Variants in SGMS1 observed in about 807,000 individuals in gnomAD.
SGMS1 encodes the protein sphingomyelin synthase 1.
In SGMS1, 13 loss-of-function variants were observed where a neutral mutation model predicts 46.2. That is an observed-to-expected ratio of 0.28 (90% CI 0.18 to 0.45). SGMS1 has a LOEUF of 0.45. Among genes scored for constraint, SGMS1 ranks in the 20% least tolerant of loss-of-function variants. SGMS1 has a pLI of 1.00. For synonymous variants in SGMS1, 203 were observed against 187.8 expected (o/e 1.08, Z -0.66); for missense variants, 324 against 519.9 (o/e 0.62, Z 3.66).
chr10:50,495,125 C>G (rs1205056313), intron 3 of SGMS1, among the ~76,000 whole-genome samples: 1 of 146,702 alleles, frequency 6.8e-6, no homozygotes, highest in East Asian at 2.0e-4. Flanking sequence ...GTAGTCCCAG[C>G]TACTTGGGAG....
chr10:50,531,071 GA>G (rs143520855), intron 2 of SGMS1, among the ~76,000 whole-genome samples: 15 of 149,704 alleles, frequency 1.0e-4, no homozygotes, highest in Admixed American at 7.3e-4. Context: ...GACAATCCCA[GA>G]AAAAAAAACA....
intron 6 of SGMS1, among the ~76,000 whole-genome samples, chr10:50,399,034 AAAGAT>A (rs1300877376): frequency 6.6e-6 from 1 of 152,196 alleles, no homozygotes; most frequent in Non-Finnish European, 1.5e-5. Flanking sequence ...TTAAATGTAA[AAAGAT>A]AAGAGAGGAA....
At chr10:50,320,235 C>A (rs1308468520) in intron 8 of SGMS1, among the ~76,000 whole-genome samples, 1 of 152,144 alleles carries the variant, frequency 6.6e-6, no homozygotes, top group Non-Finnish European at 1.5e-5. Context: ...GAAATCCATG[C>A]AGAAGCATCA....
chr10:50,308,599 TG>T (rs1274785371), intron 9 of SGMS1, among the ~76,000 whole-genome samples: 1 of 152,136 alleles, frequency 6.6e-6, no homozygotes. Context: ...TTCCAAGTTC[TG>T]CAACCATACA....
intron 2 of SGMS1, among the ~76,000 whole-genome samples, chr10:50,556,857 C>T (rs1318498342): frequency 2.0e-5 from 3 of 152,114 alleles, no homozygotes; most frequent in African/African-American, 4.8e-5. Flanking sequence ...CAGGAAATGC[C>T]GTCCTGCAGA....
chr10:50,395,742 G>A (rs1254439363), intron 6 of SGMS1, among the ~76,000 whole-genome samples: 1 of 152,132 alleles, frequency 6.6e-6, no homozygotes, highest in Non-Finnish European at 1.5e-5. Context: ...AAATGTGGAA[G>A]GATTCAGTAT....
intron 5 of SGMS1, among the ~76,000 whole-genome samples, chr10:50,453,848 AGG>A (rs1564918364): frequency 4.5e-5 from 1 of 22,158 alleles, no homozygotes; most frequent in Non-Finnish European, 7.9e-5. Flanking sequence ...GGAGGGAGGG[AGG>A]GAGGGAGGGA....
At chr10:50,367,485 T>A (rs1848364435) in intron 6 of SGMS1, among the ~76,000 whole-genome samples, 1 of 152,184 alleles carries the variant, frequency 6.6e-6, no homozygotes, top group East Asian at 1.9e-4. Flanking sequence ...CAGCACCACT[T>A]GCGTGCCCAC....
chr10:50,503,883 C>T (rs1342391868), intron 3 of SGMS1, among the ~76,000 whole-genome samples: 3 of 152,202 alleles, frequency 2.0e-5, no homozygotes, highest in African/African-American at 7.2e-5. Flanking sequence ...TTGACCACGT[C>T]ACTGTCTGCA....
chr10:50,531,886 G>T (rs903055526), intron 2 of SGMS1, among the ~76,000 whole-genome samples: 3 of 152,184 alleles, frequency 2.0e-5, no homozygotes, highest in Non-Finnish European at 4.4e-5. Context: ...GAGACTTACA[G>T]ATAAAGTTCA....
chr10:50,401,456 G>A (rs990878892), intron 6 of SGMS1, among the ~76,000 whole-genome samples: 2 of 152,166 alleles, frequency 1.3e-5, no homozygotes. Context: ...ATCCCTCAGT[G>A]AGTGGCAACA....
chr10:50,521,818 C>G (rs548644925), intron 2 of SGMS1, among the ~76,000 whole-genome samples: 1 of 152,152 alleles, frequency 6.6e-6, no homozygotes, highest in Non-Finnish European at 1.5e-5. Context: ...TCTAAAGGCA[C>G]AAAAAGTCTA....
rs77083887 is a variant in SGMS1 at position 50,312,997 on chromosome 10, T to C, written c.742-1582A>G. 5.3e-3 allele frequency among the ~76,000 whole-genome samples: 809 copies of C among 152,170 alleles called. 6 individuals are homozygous for C. Among genetic ancestry groups the C allele is most frequent in the African/African-American group, 0.019 (771 of 41,506 alleles). ...GTTTCATAACTTGGGGGTGAGTAAGTGCAAAGAAAACTACTAAAGCAAAAA... is the reference window on the plus strand; with the variant it reads ...GTTTCATAACTTGGGGGTGAGTAAGCGCAAAGAAAACTACTAAAGCAAAAA... On this transcript the variant is annotated intron_variant, in intron 8 of 10. Transcript: ENST00000361781.
At chr10:50,507,053 C>T (rs924799417) in intron 3 of SGMS1, among the ~76,000 whole-genome samples, 2 of 152,166 alleles carry the variant, frequency 1.3e-5, no homozygotes, top group Non-Finnish European at 2.9e-5. Context: ...GTCCAAACTC[C>T]CCCAGGCTTA....
chr10:50,361,394 A>G (rs1272417791), intron 6 of SGMS1, among the ~76,000 whole-genome samples: 1 of 152,178 alleles, frequency 6.6e-6, no homozygotes, highest in Middle Eastern at 3.2e-3. Flanking sequence ...AAGTCATTCC[A>G]TCAGGCTCTC....
intron 6 of SGMS1, chr10:50,418,484 C>T (rs1278571329): frequency 6.6e-6 from 1 of 152,394 alleles, no homozygotes; most frequent in East Asian, 1.9e-4. Context: ...AGAAATGAGT[C>T]AGCCCGTTCA....
At chr10:50,432,455 A>T (rs1849415874) in intron 6 of SGMS1, among the ~76,000 whole-genome samples, 1 of 152,204 alleles carries the variant, frequency 6.6e-6, no homozygotes, top group Non-Finnish European at 1.5e-5. Context: ...CTGGTAGTTT[A>T]AAATGAGCCA....
intron 2 of SGMS1, among the ~76,000 whole-genome samples, chr10:50,542,032 G>A (rs567315314): frequency 6.6e-6 from 1 of 152,200 alleles, no homozygotes; most frequent in East Asian, 1.9e-4. Flanking sequence ...AATCACCGTG[G>A]CAGGAACCAT....
At chr10:50,470,302 T>C (rs1837367819) in intron 3 of SGMS1, among the ~76,000 whole-genome samples, 2 of 152,208 alleles carry the variant, frequency 1.3e-5, no homozygotes, top group Admixed American at 6.5e-5. Flanking sequence ...TTTTGCAAAT[T>C]AGAGCCTGGC....
Sources: allele counts gnomAD v4.1 joint callset (sites outside exome capture counted in the v4.1 genomes callset), GRCh38; gene constraint gnomAD v4.1.1; transcripts MANE v1.5; gene names NCBI Gene and HGNC (gene_info 2026-07-23, HGNC 2026-07-21).